The following CYP7B1 variants were observed in gnomAD, a reference collection of about 807,000 sequenced individuals.
CYP7B1 encodes the protein cytochrome P450 7B1.
Under a neutral mutation model 42.7 loss-of-function variants are expected in CYP7B1, and 29 were observed. The ratio of observed to expected loss-of-function variants is 0.68; its 90% CI spans 0.51 to 0.93. The LOEUF (loss-of-function observed/expected upper bound fraction) is 0.93, where lower values mean the gene tolerates loss of function less well. Ranked by LOEUF, CYP7B1 falls within the 40% of genes least tolerant of loss-of-function variation. CYP7B1 has a pLI of 0.00. For missense variants in CYP7B1, 655 were observed against 600.5 expected, an observed-to-expected ratio of 1.09 and a Z score of -0.95; for synonymous variants, 235 against 218.2, an observed-to-expected ratio of 1.08 and a Z score of -0.68.
intron 1 of CYP7B1, among the ~76,000 whole-genome samples, chr8:64,733,197 C>A (rs1166284233): frequency 6.6e-6 from 1 of 152,154 alleles, no homozygotes; most frequent in East Asian, 1.9e-4. Flanking sequence ...TTCAGGGGCA[C>A]AGTAACCATG....
In CYP7B1 at chr8:64,594,065, C is replaced by T. The variant is rs1350346378; in HGVS notation, c.*2577G>A. Among the ~76,000 whole-genome samples, 1 of 151,206 alleles carries T rather than the reference C, an allele frequency of 6.6e-6. No individual in the cohort carries two copies. The highest frequency in any genetic ancestry group is 2.4e-5 in the African/African-American group (1 of 41,128). ...AGGATGGGACATAACAAATTTAGAACATCTTAGGAAGAATTAAAGTTATCA... is the reference window on the plus strand; with the variant it reads ...AGGATGGGACATAACAAATTTAGAATATCTTAGGAAGAATTAAAGTTATCA... On this transcript the variant is annotated 3_prime_UTR_variant, in exon 6 of 6. Coordinates refer to ENST00000310193, the MANE Select transcript of CYP7B1 (RefSeq NM_004820.5).
At chr8:64,685,391 C>G (rs1806609915) in intron 1 of CYP7B1, among the ~76,000 whole-genome samples, 1 of 110,518 alleles carries the variant, frequency 9.0e-6, no homozygotes, top group Non-Finnish European at 1.9e-5. Flanking sequence ...AGCGTCTCCG[C>G]CCGGCCGCCA....
chr8:64,681,704 T>C (rs1806541421), intron 1 of CYP7B1, among the ~76,000 whole-genome samples: 1 of 152,152 alleles, frequency 6.6e-6, no homozygotes, highest in Non-Finnish European at 1.5e-5. Flanking sequence ...GTGTGTGAGC[T>C]TGGAAGCAGA....
intron 1 of CYP7B1, among the ~76,000 whole-genome samples, chr8:64,677,706 G>GTTTTTTTTTTTTTTTTTTTTTTTTT (rs11435388): frequency 1.2e-5 from 1 of 86,400 alleles, no homozygotes; most frequent in African/African-American, 4.5e-5. Context: ...ACACTCCTTG[G>GTTTTTTTTTTTTTTTTTTTTTTTTT]TTTTTTTTTT....
Position 64,596,943 on chromosome 8 carries a change from T to A in CYP7B1, c.1234-14A>T. Reference sequence around the variant, plus strand: ...ATATCTAAACTCCTGTAAGGAAGAATAGTGTTAAAATTAACATTTTATATG... The same window carrying A: ...ATATCTAAACTCCTGTAAGGAAGAAAAGTGTTAAAATTAACATTTTATATG... On this transcript the variant is annotated splice_polypyrimidine_tract_variant and intron_variant, in intron 5 of 5. Coordinates refer to ENST00000310193, the MANE Select transcript of CYP7B1 (RefSeq NM_004820.5). The A allele has an allele frequency of 6.3e-7, 1 of 1,594,532 alleles. No homozygotes were observed. The highest frequency in any genetic ancestry group is 1.3e-5 in the African/African-American group (1 of 74,354).
intron 1 of CYP7B1, among the ~76,000 whole-genome samples, chr8:64,650,907 C>T (rs996047628): frequency 2.0e-5 from 3 of 152,122 alleles, no homozygotes; most frequent in Non-Finnish European, 4.4e-5. Flanking sequence ...CCATAGAATG[C>T]TGTGGGGTTG....
At chr8:64,611,602 T>A (rs1805364804) in intron 4 of CYP7B1, among the ~76,000 whole-genome samples, 1 of 152,162 alleles carries the variant, frequency 6.6e-6, no homozygotes, top group Admixed American at 6.6e-5. Context: ...ATTTTTAATA[T>A]TCTCTTTTTA....
chr8:64,685,160 CG>C (rs1381353271), intron 1 of CYP7B1, among the ~76,000 whole-genome samples: 9 of 152,110 alleles, frequency 5.9e-5, no homozygotes, highest in African/African-American at 1.9e-4. Flanking sequence ...GCCGCCCCGC[CG>C]GCGAGCGCCG....
chr8:64,616,503 T>C (rs1164794055), intron 2 of CYP7B1, among the ~76,000 whole-genome samples: 1 of 152,180 alleles, frequency 6.6e-6, no homozygotes, highest in Non-Finnish European at 1.5e-5. Context: ...CTGAAGTTCT[T>C]ACTAACCTTT....
Position 64,596,917 on chromosome 8 carries a change from C to G in CYP7B1, c.1246G>C (p.Asp416His), listed in dbSNP as rs1190260449. The change falls in exon 6 of 6, where the codon GAT (aspartate) becomes CAT (histidine). Residue 416 changes from aspartate (D) to histidine (H), a missense_variant. By Grantham distance (81) the Asp-to-His change is moderately conservative. Coordinates refer to ENST00000310193, the MANE Select transcript of CYP7B1 (RefSeq NM_004820.5). Reference protein sequence around the residue: ...IFEAPEEFRYDRFIEDGKKKT... With the variant: ...IFEAPEEFRYHRFIEDGKKKT... ...TTCTTACCATCTTCTATAAAACGAT[C>G]ATATCTAAACTCCTGTAAGGAAGAA... 1.2e-6 allele frequency: 2 copies of G among 1,609,840 alleles called. No individual in the cohort carries two copies. The highest frequency in any genetic ancestry group is 4.5e-5 in the East Asian group (2 of 44,830).
In CYP7B1 at chr8:64,728,428, T is replaced by G. The variant is rs1043370642; in HGVS notation, c.122+70038A>C. Among the ~76,000 whole-genome samples the G allele has an allele frequency of 2.6e-5, 4 of 152,226 alleles. No individual in the cohort carries two copies. The East Asian group carries it at 7.7e-4, about 29-fold the overall frequency. ...CTTGGTCACATGCAGTGAGCAAAAG[T>G]GCAGAGATCAGCAACAGATCCTTCC... On this transcript the variant is annotated intron_variant, in intron 1 of 5. Coordinates refer to ENST00000310193, the MANE Select transcript of CYP7B1 (RefSeq NM_004820.5).
chr8:64,681,866 A>G (rs1231229026), intron 1 of CYP7B1, among the ~76,000 whole-genome samples: 1 of 152,218 alleles, frequency 6.6e-6, no homozygotes. Flanking sequence ...TGTTGTTTCA[A>G]GATGCTAAAT....
At chr8:64,720,975 A>T (rs1807226763) in intron 1 of CYP7B1, among the ~76,000 whole-genome samples, 1 of 152,020 alleles carries the variant, frequency 6.6e-6, no homozygotes, top group Admixed American at 6.6e-5. Flanking sequence ...TATATAAATA[A>T]GATATTTTTA....
chr8:64,757,615 T>C (rs1457136986), intron 1 of CYP7B1, among the ~76,000 whole-genome samples: 1 of 152,216 alleles, frequency 6.6e-6, no homozygotes, highest in Non-Finnish European at 1.5e-5. Context: ...GCCCAGTTCT[T>C]ACATCAGCCA....
At chr8:64,587,608 G>A (rs1804986148), downstream of CYP7B1, among the ~76,000 whole-genome samples, 1 of 152,196 alleles carries the variant, frequency 6.6e-6, no homozygotes, top group African/African-American at 2.4e-5. Context: ...AACTCTGCTC[G>A]CTTTCCCTGA....
chr8:64,741,617 C>T lies in CYP7B1; in HGVS notation c.122+56849G>A, dbSNP rs114468745. Among the ~76,000 whole-genome samples, 1,162 of 152,158 alleles carry T rather than the reference C, an allele frequency of 7.6e-3. 16 individuals carry two copies. The highest frequency in any genetic ancestry group is 0.026 in the African/African-American group (1,092 of 41,518). On this transcript the variant is annotated intron_variant, in intron 1 of 5. Transcript: ENST00000310193. ...ACAGGCATGAGCCATCGTGCCCAGC[C>T]CCCAAAAATTCTTAAACAAATAATC...
chr8:64,679,076 A>G (rs1039366785), intron 1 of CYP7B1, among the ~76,000 whole-genome samples: 2 of 152,154 alleles, frequency 1.3e-5, no homozygotes, highest in African/African-American at 4.8e-5. Flanking sequence ...TTGGCGATTC[A>G]TAAACCTGTG....
intron 1 of CYP7B1, among the ~76,000 whole-genome samples, chr8:64,716,620 T>G (rs1807158752): frequency 6.6e-6 from 1 of 152,150 alleles, no homozygotes; most frequent in South Asian, 2.1e-4. Context: ...GGCCTGAGAC[T>G]CGCTTGAACC....
intron 1 of CYP7B1, among the ~76,000 whole-genome samples, chr8:64,684,547 A>G (rs777644920): frequency 1.8e-4 from 28 of 152,392 alleles, no homozygotes; most frequent in Non-Finnish European, 3.7e-4. Context: ...ATTTATTTAT[A>G]TAAGTCTATA....
Sources: gnomAD v4.1 joint callset for allele counts (sites outside exome capture counted in the v4.1 genomes callset) on GRCh38, gnomAD v4.1.1 for gene constraint, MANE v1.5 for transcripts, NCBI Gene and HGNC (gene_info 2026-07-23, HGNC 2026-07-21) for gene names.